AGBL1: variants seen among roughly 807,000 people sequenced by gnomAD.
AGBL1 encodes AGBL carboxypeptidase 1.
A neutral mutation model predicts 118.9 loss-of-function variants in AGBL1; 130 were observed. The ratio of observed to expected loss-of-function variants is 1.09; its 90% confidence interval spans 0.95 to 1.26. The LOEUF (loss-of-function observed/expected upper bound fraction) is 1.26. Ranked by LOEUF, AGBL1 falls within the 50% of genes most tolerant of loss-of-function variation. The pLI, the probability that AGBL1 is intolerant of heterozygous loss-of-function variation, is 0.00. For synonymous variants in AGBL1, 555 were observed against 478.9 expected (o/e 1.16, Z -2.08); for missense variants, 1,584 against 1,298.1 (o/e 1.22, Z -3.38).
rs376302178 is a variant in AGBL1, at chr15:86,264,317, C to T, written c.1146C>T (p.His382=). 19 of 1,611,156 alleles carry T rather than the reference C, an allele frequency of 1.2e-5. No individual in the cohort carries two copies. The highest frequency in any genetic ancestry group is 1.5e-5 in the Non-Finnish European group (18 of 1,178,618). ...LNSEKTQYAN[H]HHIPAAASSK... The stretch of plus-strand genomic sequence containing the variant: ...CTGAAAAGACTCAGTATGCCAATCA[C>T]CACCACATTCCAGCCGCTGCCTCCT... Residue 382 remains histidine, a synonymous_variant, in exon 11 of 23, where the codon CAC becomes CAT. Transcript: ENST00000614907.
chr15:86,427,874 T>A (rs1005074508), intron 18 of AGBL1, among the ~76,000 whole-genome samples: 1 of 152,210 alleles, frequency 6.6e-6, no homozygotes, highest in Non-Finnish European at 1.5e-5. Context: ...ATCCAAACAC[T>A]GTGAACATGA....
At chr15:86,948,247 C>A (rs1159365875) in intron 23 of AGBL1, among the ~76,000 whole-genome samples, 1 of 151,994 alleles carries the variant, frequency 6.6e-6, no homozygotes, top group Non-Finnish European at 1.5e-5. Context: ...TGAAATACAC[C>A]AATGAGCACC....
downstream of AGBL1, among the ~76,000 whole-genome samples, chr15:86,921,124 G>T (rs1009263456): frequency 2.0e-5 from 3 of 152,152 alleles, no homozygotes; most frequent in Non-Finnish European, 4.4e-5. Flanking sequence ...GTTATACATT[G>T]GTTTGACCAA....
chr15:86,263,589 G>A (rs971949299), intron 10 of AGBL1, among the ~76,000 whole-genome samples: 3 of 152,202 alleles, frequency 2.0e-5, no homozygotes, highest in African/African-American at 7.2e-5. Context: ...AAGTGGGACC[G>A]TTGTCCTAGA....
At chr15:86,206,426 AC>A (rs1314028289) in intron 5 of AGBL1, among the ~76,000 whole-genome samples, 59 of 152,308 alleles carry the variant, frequency 3.9e-4, no homozygotes, top group Non-Finnish European at 4.4e-5. Context: ...TTACACTCCC[AC>A]CAACAGTGAG....
downstream of AGBL1, among the ~76,000 whole-genome samples, chr15:86,919,335 G>C (rs1009471207): frequency 6.6e-6 from 1 of 152,138 alleles, no homozygotes; most frequent in Non-Finnish European, 1.5e-5. Context: ...ATAAGTCAGT[G>C]ATATTCCCGA....
chr15:87,010,084 G>T lies in AGBL1; in HGVS notation c.3324-18741G>T, dbSNP rs532634276. On this transcript the variant is annotated intron_variant, in intron 24 of 24. Transcript: ENST00000441037. ...AATGTGAGGACATGAGATTTGGGAG[G>T]GGCCAGGGGTGGAATGATATGGTTT... Among the ~76,000 whole-genome samples the T allele has an allele frequency of 5.9e-5, 9 of 152,180 alleles. No homozygotes were observed. The South Asian group carries it at 1.9e-3, about 32-fold the overall frequency.
rs2077160266 is a variant in AGBL1, at chr15:86,154,429, G to A, written c.263-1G>A. 7 of 1,611,454 alleles carry A rather than the reference G, an allele frequency of 4.3e-6. No homozygotes were observed. The highest frequency in any genetic ancestry group is 1.7e-5 in the Admixed American group (1 of 59,708). ...TAAGATAGATTGATTTGTGTTCTTA[G>A]ATAAAAAGATTGGACGGAAGGCCCT... On this transcript the variant is annotated splice_acceptor_variant, in intron 3 of 22. Coordinates refer to ENST00000614907, the MANE Select transcript of AGBL1 (RefSeq NM_001386094.1). LOFTEE classifies it high-confidence loss of function.
intron 23 of AGBL1, among the ~76,000 whole-genome samples, chr15:86,925,720 C>CTTTTTTTTTTTTTTTTTTTTTTTTTTT (rs375125663): frequency 7.6e-6 from 1 of 131,970 alleles, no homozygotes; most frequent in African/African-American, 2.8e-5. Flanking sequence ...TTTTTCTTTT[C>CTTTTTTTTTTTTTTTTTTTTTTTTTTT]TTTTTTTTTT....
chr15:86,466,740 A>G (rs991587340), intron 18 of AGBL1, among the ~76,000 whole-genome samples: 1 of 152,134 alleles, frequency 6.6e-6, no homozygotes, highest in African/African-American at 2.4e-5. Flanking sequence ...TTGTATTCTA[A>G]CAGTCAGGCC....
intron 22 of AGBL1, among the ~76,000 whole-genome samples, chr15:86,682,900 A>G (rs1008783241): frequency 6.6e-6 from 1 of 152,136 alleles, no homozygotes; most frequent in Admixed American, 6.6e-5. Context: ...GCTTCCATTA[A>G]CATTCCCTTT....
chr15:86,725,687 G>T, intron 22 of AGBL1, among the ~76,000 whole-genome samples: 1 of 152,294 alleles, frequency 6.6e-6, no homozygotes, highest in Admixed American at 6.5e-5. Context: ...GGTAGGACAT[G>T]GGGTGGTGTG....
chr15:86,253,717 A>G (rs1035775933), intron 7 of AGBL1, among the ~76,000 whole-genome samples: 6 of 152,190 alleles, frequency 3.9e-5, no homozygotes, highest in African/African-American at 1.4e-4. Flanking sequence ...TCATTTTTTT[A>G]TTTTTGAAAA....
At position 86,910,072 on chromosome 15, in the gene AGBL1, T is replaced by A. The variant is rs1415062323; in HGVS notation, c.*2778T>A. 1 of 152,226 alleles carries A rather than the reference T, an allele frequency of 6.6e-6. No homozygotes were observed. Among genetic ancestry groups the A allele is most frequent in the East Asian group, 1.9e-4 (1 of 5,202 alleles). The allele number at this position is 152,226 out of a possible 1,614,324, so 9.4% of individuals were successfully genotyped here. The stretch of plus-strand genomic sequence containing the variant: ...AAGAACAATAAACATTCTAAGTTAA[T>A]GCAGTATGGCCCATGCCATTATGGA... On this transcript the variant is annotated 3_prime_UTR_variant, in exon 23 of 23. Transcript: ENST00000614907.
intron 21 of AGBL1, among the ~76,000 whole-genome samples, chr15:86,631,813 C>G (rs958632247): frequency 6.6e-6 from 1 of 152,188 alleles, no homozygotes; most frequent in African/African-American, 2.4e-5. Flanking sequence ...CCTCTTTCTA[C>G]TGCCTCTGCC....
chr15:86,554,650 T>C (rs2083707840), intron 21 of AGBL1, 113 bp downstream of exon 21: 2 of 1,163,062 alleles, frequency 1.7e-6, no homozygotes, highest in African/African-American at 3.2e-5. Context: ...CCAAGTAGAG[T>C]TTGGTCCTCC....
chr15:86,738,499 C>T (rs988227932), intron 22 of AGBL1, among the ~76,000 whole-genome samples: 7 of 152,154 alleles, frequency 4.6e-5, no homozygotes, highest in African/African-American at 1.2e-4. Context: ...CCACCAAAAA[C>T]TCTTAGAAAT....
intron 22 of AGBL1, among the ~76,000 whole-genome samples, chr15:86,874,381 GACACACACACACAC>G (rs58756904): frequency 6.7e-6 from 1 of 148,924 alleles, no homozygotes; most frequent in Non-Finnish European, 1.5e-5. Flanking sequence ...TTGTGGGTGG[GACACACACACACAC>G]ACACACACAC....
chr15:86,444,479 G>C (rs1596122942), intron 18 of AGBL1, among the ~76,000 whole-genome samples: 2 of 152,170 alleles, frequency 1.3e-5, no homozygotes, highest in African/African-American at 4.8e-5. Flanking sequence ...TAGCTGGAGA[G>C]CTTGCCCAAA....
Sources: allele counts gnomAD v4.1 joint callset (sites outside exome capture counted in the v4.1 genomes callset), GRCh38; gene constraint gnomAD v4.1.1; transcripts MANE v1.5; gene names NCBI Gene and HGNC (gene_info 2026-07-23, HGNC 2026-07-21).